SOS1: variants seen among roughly 807,000 people sequenced by gnomAD.
SOS1 encodes son of sevenless homolog 1.
SOS1 carries 25 observed loss-of-function variants against 157.6 expected under a neutral mutation model. That is an observed-to-expected ratio of 0.16 (90% confidence interval 0.12 to 0.22). The LOEUF is 0.22. Among genes scored for constraint, SOS1 ranks in the 10% least tolerant of loss-of-function variants. The pLI, the probability that SOS1 is intolerant of heterozygous loss-of-function variation, is 1.00. For synonymous variants in SOS1, 528 were observed against 534.0 expected (o/e 0.99, Z 0.16); for missense variants, 1,237 against 1,599.1 (o/e 0.77, Z 3.86).
Position 38,985,639 on chromosome 2 carries a change from T to C in SOS1, c.*185A>G, listed in dbSNP as rs556367844. The C allele has an allele frequency of 3.1e-4, 220 of 700,344 alleles. No individual in the cohort carries two copies. Among genetic ancestry groups the C allele is most frequent in the Non-Finnish European group, 4.7e-4 (196 of 413,794 alleles). 43.4% of individuals were successfully genotyped at this position (700,344 alleles called of 1,614,324 possible). The stretch of plus-strand genomic sequence containing the variant: ...AGGTCGGTCTTTCCATATTCTAAAC[T>C]GGAATACCATTTCCATTGTATAATT... On this transcript the variant is annotated 3_prime_UTR_variant, in exon 23 of 23. Coordinates refer to ENST00000402219, the MANE Select transcript of SOS1 (RefSeq NM_005633.4).
rs7573742 is a variant in SOS1 at position 39,077,351 on chromosome 2, T to A, written c.88-9598A>T. Among the ~76,000 whole-genome samples, 625 of 151,770 alleles carry A rather than the reference T, an allele frequency of 4.1e-3. 8 individuals carry two copies. Among genetic ancestry groups the A allele is most frequent in the African/African-American group, 0.014 (591 of 41,440 alleles). ...AAAAAAAAAGAAAGAAAATCCTTTA[T>A]GAAGAAAAATTTTTAAACTTTAATG... is the stretch of plus-strand genomic sequence containing the variant. On this transcript the variant is annotated intron_variant, in intron 1 of 22. Coordinates refer to ENST00000402219, the MANE Select transcript of SOS1 (RefSeq NM_005633.4).
At chr2:39,087,060 C>T (rs1672402613) in intron 1 of SOS1, among the ~76,000 whole-genome samples, 1 of 152,066 alleles carries the variant, frequency 6.6e-6, no homozygotes, top group Non-Finnish European at 1.5e-5. Context: ...GTGATCCACC[C>T]ACCTCAGCCT....
chr2:39,061,773 G>A (rs1572863005), intron 2 of SOS1, among the ~76,000 whole-genome samples: 1 of 152,056 alleles, frequency 6.6e-6, no homozygotes, highest in Non-Finnish European at 1.5e-5. Context: ...CTAATTTCAA[G>A]ATTAATAATT....
At chr2:39,036,683 C>T (rs1379541537) in intron 6 of SOS1, among the ~76,000 whole-genome samples, 1 of 152,134 alleles carries the variant, frequency 6.6e-6, no homozygotes, top group African/African-American at 2.4e-5. Flanking sequence ...ACGCCATTCT[C>T]CTGCCTCAGC....
rs1669821131 is a variant in SOS1 at position 39,022,229 on chromosome 2, AAAG to A, written c.1858+338_1858+340del. On this transcript the variant is annotated intron_variant, in intron 10 of 22. Transcript: ENST00000402219. ...ATAATCTCAGAAATGGAAAAAGAAG[AAAG>A]AAAAAAAAGATAAAGGAGTAAAAAA... Among the ~76,000 whole-genome samples, 3 of 151,850 alleles carry A rather than the reference AAAG, an allele frequency of 2.0e-5. No homozygotes were observed. The South Asian group carries it at 6.2e-4, about 31-fold the overall frequency.
chr2:39,089,915 T>G (rs1430487328), intron 1 of SOS1, among the ~76,000 whole-genome samples: 1 of 150,906 alleles, frequency 6.6e-6, no homozygotes, highest in Non-Finnish European at 1.5e-5. Context: ...TCATTTGAGG[T>G]TAGGAGTTCG....
intron 2 of SOS1, among the ~76,000 whole-genome samples, chr2:39,064,179 T>A (rs144178155): frequency 2.6e-5 from 4 of 152,206 alleles, no homozygotes; most frequent in African/African-American, 9.7e-5. Flanking sequence ...ACTGTACATG[T>A]ATATCATGTA....
chr2:39,020,366 G>A (rs1669760780), intron 10 of SOS1, among the ~76,000 whole-genome samples: 1 of 151,684 alleles, frequency 6.6e-6, no homozygotes, highest in African/African-American at 2.4e-5. Context: ...TCTAAAAGAT[G>A]TCTGTAAGTC....
At chr2:38,999,560 A>G (rs1190441923) in intron 17 of SOS1, among the ~76,000 whole-genome samples, 3 of 152,364 alleles carry the variant, frequency 2.0e-5, no homozygotes, top group East Asian at 1.9e-4. Flanking sequence ...TGATACATTC[A>G]TAAGACAAAG....
At chr2:39,113,319 T>C (rs1042654502) in intron 1 of SOS1, among the ~76,000 whole-genome samples, 1 of 151,044 alleles carries the variant, frequency 6.6e-6, no homozygotes. Context: ...GCCTCCTGAG[T>C]AGCTGAGACT....
chr2:39,045,287 T>TGTGTGC (rs1308037167), intron 6 of SOS1, among the ~76,000 whole-genome samples: 1 of 151,016 alleles, frequency 6.6e-6, no homozygotes, highest in South Asian at 2.1e-4. Context: ...TGTGTGTGTG[T>TGTGTGC]GTGTGTGTGT....
chr2:39,124,285 C>A, upstream of SOS1: 1 of 152,544 alleles, frequency 6.6e-6, no homozygotes, highest in Non-Finnish European at 1.5e-5. Flanking sequence ...CAATCCCCCG[C>A]GCCAGCCCCT....
At chr2:39,112,399 G>A (rs1673474266) in intron 1 of SOS1, among the ~76,000 whole-genome samples, 1 of 152,178 alleles carries the variant, frequency 6.6e-6, no homozygotes, top group Non-Finnish European at 1.5e-5. Context: ...CTGAGCTCAA[G>A]GGATCCTCCC....
intron 20 of SOS1, among the ~76,000 whole-genome samples, chr2:38,990,762 A>G (rs952474874): frequency 6.6e-6 from 1 of 152,184 alleles, no homozygotes; most frequent in African/African-American, 2.4e-5. Flanking sequence ...GGCTTTGAGT[A>G]TATTTATATA....
chr2:39,072,899 GA>G (rs1671836010), intron 1 of SOS1, among the ~76,000 whole-genome samples: 1 of 152,078 alleles, frequency 6.6e-6, no homozygotes, highest in South Asian at 2.1e-4. Flanking sequence ...AACTCTAACT[GA>G]AAAACAAAGG....
chr2:39,068,735 C>T (rs2148143058), intron 1 of SOS1, among the ~76,000 whole-genome samples: 1 of 151,718 alleles, frequency 6.6e-6, no homozygotes, highest in African/African-American at 2.4e-5. Flanking sequence ...AGAGTCCACA[C>T]TGGAAAGAAG....
intron 10 of SOS1, among the ~76,000 whole-genome samples, chr2:39,020,667 C>G (rs140589828): frequency 6.6e-6 from 1 of 151,824 alleles, no homozygotes; most frequent in Non-Finnish European, 1.5e-5. Context: ...AAGTCCATTT[C>G]AGTTTTACAA....
intron 6 of SOS1, among the ~76,000 whole-genome samples, chr2:39,041,459 TA>T (rs1670565394): frequency 6.6e-6 from 1 of 152,224 alleles, no homozygotes; most frequent in South Asian, 2.1e-4. Context: ...CATTTGCAAA[TA>T]TTTTTTCCCT....
In SOS1 at chr2:39,035,208, T is replaced by C; in HGVS notation, c.1074+4A>G. 2 of 1,601,252 alleles carry C rather than the reference T, an allele frequency of 1.2e-6. No homozygotes were observed. The highest frequency in any genetic ancestry group is 2.2e-5 in the East Asian group (1 of 44,760). On this transcript the variant is annotated splice_donor_region_variant and intron_variant, in intron 8 of 22. Coordinates refer to ENST00000402219, the MANE Select transcript of SOS1 (RefSeq NM_005633.4). ...TTACAAATAACAATAAAGAGTTTTC[T>C]TACCTTCAAAAGTTCAAAGTAATGG...
Sources: gnomAD v4.1 joint callset for allele counts (sites outside exome capture counted in the v4.1 genomes callset) on GRCh38, gnomAD v4.1.1 for gene constraint, MANE v1.5 for transcripts, NCBI Gene and HGNC (gene_info 2026-07-23, HGNC 2026-07-21) for gene names.